Variants in SPTSSA observed in about 807,000 individuals in gnomAD.
SPTSSA encodes the protein serine palmitoyltransferase small subunit A.
Under a neutral mutation model 9.1 loss-of-function variants are expected in SPTSSA, and 8 were observed. That is an observed-to-expected ratio of 0.88 (90% CI 0.51 to 1.58). SPTSSA has a LOEUF of 1.58. SPTSSA is among the 40% of genes most tolerant of loss of function. The pLI is 0.00. For synonymous variants in SPTSSA, 42 were observed against 37.7 expected, an observed-to-expected ratio of 1.11 and a Z score of -0.41; for missense variants, 100 against 93.8, an observed-to-expected ratio of 1.07 and a Z score of -0.27.
intron 1 of SPTSSA, among the ~76,000 whole-genome samples, chr14:34,450,125 C>G (rs544250581): frequency 1.2e-4 from 18 of 152,296 alleles, no homozygotes; most frequent in African/African-American, 4.1e-4. Context: ...TGTGAGAATT[C>G]AGAATCGAAC....
intron 1 of SPTSSA, among the ~76,000 whole-genome samples, chr14:34,450,644 C>T (rs530816152): frequency 2.0e-4 from 30 of 152,014 alleles, no homozygotes; most frequent in Non-Finnish European, 3.5e-4. Flanking sequence ...AAAAAATGGG[C>T]TGTTCTGTTT....
In SPTSSA at chr14:34,433,693, G is replaced by C. The variant is rs1883193739; in HGVS notation, c.*1508C>G. 6.6e-6 allele frequency: 1 copy of C among 152,064 alleles called. No homozygotes were observed. Among genetic ancestry groups the C allele is most frequent in the African/African-American group, 2.4e-5 (1 of 41,398 alleles). The allele number at this position is 152,064 out of a possible 1,614,324, so 9.4% of individuals were successfully genotyped here. ...AATACCTCAATTTTGGCCGGGCGCGGTGGCTCACGCCTGTAAACCCAGCAC... is the reference window on the plus strand; with the variant it reads ...AATACCTCAATTTTGGCCGGGCGCGCTGGCTCACGCCTGTAAACCCAGCAC... On this transcript the variant is annotated 3_prime_UTR_variant, in exon 2 of 2. Coordinates refer to ENST00000298130, the MANE Select transcript of SPTSSA (RefSeq NM_138288.4).
intron 1 of SPTSSA, among the ~76,000 whole-genome samples, chr14:34,449,496 G>T (rs908213545): frequency 3.5e-5 from 5 of 143,224 alleles, no homozygotes; most frequent in African/African-American, 1.4e-4. Flanking sequence ...CACTGCACCC[G>T]GCCTCCCTTT....
In SPTSSA at chr14:34,443,134, GGTGTGT is replaced by G. The variant is rs376742613; in HGVS notation, c.113-7836_113-7831del. Among the ~76,000 whole-genome samples, 107 of 36,958 alleles carry G rather than the reference GGTGTGT, an allele frequency of 2.9e-3. 1 individual carries two copies. The highest frequency in any genetic ancestry group is 1.6e-3 in the African/African-American group (7 of 4,314). 24.2% of individuals were successfully genotyped at this position (36,958 alleles called of 152,430 possible). A position where few individuals can be genotyped will look rare whatever the true frequency, so the allele number is the denominator to read the frequency against. ...TTCAAGCGATTCTCCTGCTTCTAGG[GGTGTGT>G]GTGTGTGTGTGTGTGTGTGTGTGTG... On this transcript the variant is annotated intron_variant, in intron 1 of 1. Transcript: ENST00000298130.
chr14:34,457,208 C>G (rs1356101302), intron 1 of SPTSSA, among the ~76,000 whole-genome samples: 2 of 151,988 alleles, frequency 1.3e-5, no homozygotes, highest in Non-Finnish European at 2.9e-5. Flanking sequence ...GAACTCTTGA[C>G]CTCAGGTGAT....
intron 1 of SPTSSA, among the ~76,000 whole-genome samples, chr14:34,442,607 G>T (rs1425300873): frequency 6.6e-6 from 1 of 152,240 alleles, no homozygotes; most frequent in Non-Finnish European, 1.5e-5. Flanking sequence ...AATGAATGCT[G>T]TTTGGCCCCA....
At position 34,442,983 on chromosome 14, in the gene SPTSSA, T is replaced by TGAGA. The variant is rs1555314339; in HGVS notation, c.113-7683_113-7680dup. Among the ~76,000 whole-genome samples, 624 of 148,454 alleles carry TGAGA rather than the reference T, an allele frequency of 4.2e-3. 9 individuals are homozygous for TGAGA. Among genetic ancestry groups the TGAGA allele is most frequent in the African/African-American group, 0.013 (514 of 39,786 alleles). On this transcript the variant is annotated intron_variant, in intron 1 of 1. Coordinates refer to ENST00000298130, the MANE Select transcript of SPTSSA (RefSeq NM_138288.4). ...GTGTGTGTGTGTGTGTGTGTGTGTG[T>TGAGA]GAGATGGAGTTTCCCTCTAGGGGTG...
At chr14:34,435,705 C>T (rs1883232028) in intron 1 of SPTSSA, among the ~76,000 whole-genome samples, 2 of 145,578 alleles carry the variant, frequency 1.4e-5, no homozygotes. Context: ...TCTCGGCTCA[C>T]TGCAACCTCT....
chr14:34,444,755 A>G (rs1483229550), intron 1 of SPTSSA, among the ~76,000 whole-genome samples: 1 of 151,868 alleles, frequency 6.6e-6, no homozygotes, highest in Non-Finnish European at 1.5e-5. Flanking sequence ...CTGCCTCAAA[A>G]AAAAAAAAAA....
At chr14:34,455,029 G>A (rs1175175611) in intron 1 of SPTSSA, among the ~76,000 whole-genome samples, 2 of 151,404 alleles carry the variant, frequency 1.3e-5, no homozygotes, top group African/African-American at 4.9e-5. Flanking sequence ...GGAGGCTACA[G>A]TGACCCAAGA....
intron 1 of SPTSSA, among the ~76,000 whole-genome samples, chr14:34,442,983 T>TGTGTGTGTGTGTGTGTGA (rs750212266): frequency 3.5e-4 from 52 of 148,336 alleles, no homozygotes; most frequent in African/African-American, 1.1e-3. Context: ...TGTGTGTGTG[T>TGTGTGTGTGTGTGTGTGA]GAGATGGAGT....
intron 1 of SPTSSA, 22 bp from the exon 2 acceptor site, chr14:34,435,326 T>A: frequency 6.5e-7 from 1 of 1,539,142 alleles, no homozygotes; most frequent in African/African-American, 1.4e-5. Context: ...TTAAGGAAAC[T>A]TATTATTATT....
chr14:34,446,786 T>TTA (rs775431253), intron 1 of SPTSSA, among the ~76,000 whole-genome samples: 57 of 152,314 alleles, frequency 3.7e-4, no homozygotes, highest in South Asian at 2.1e-3. Flanking sequence ...ACACAACAGA[T>TTA]TTTAAATTCT....
chr14:34,457,606 C>A (rs1878510531), intron 1 of SPTSSA, among the ~76,000 whole-genome samples: 1 of 152,182 alleles, frequency 6.6e-6, no homozygotes, highest in Admixed American at 6.6e-5. Flanking sequence ...CATGTCTGCA[C>A]ATGGAAAAAG....
chr14:34,458,724 T>C (rs1878545082), intron 1 of SPTSSA, among the ~76,000 whole-genome samples: 1 of 143,506 alleles, frequency 7.0e-6, no homozygotes, highest in Non-Finnish European at 1.5e-5. Flanking sequence ...GCCAGACTGG[T>C]GAACCGCCAC....
chr14:34,455,549 A>G (rs1883604633), intron 1 of SPTSSA, among the ~76,000 whole-genome samples: 1 of 152,190 alleles, frequency 6.6e-6, no homozygotes. Context: ...GTTTTCAACC[A>G]TAAGGATGTA....
intron 1 of SPTSSA, among the ~76,000 whole-genome samples, chr14:34,451,607 C>G (rs1173863832): frequency 6.6e-6 from 1 of 151,582 alleles, no homozygotes; most frequent in Middle Eastern, 3.4e-3. Context: ...CCTGTAGTCC[C>G]AGCTACTCCG....
At position 34,435,235 on chromosome 14, in the gene SPTSSA, A is replaced by G. The variant is rs1443904442; in HGVS notation, c.182T>C (p.Met61Thr). 3.1e-6 allele frequency: 5 copies of G among 1,613,942 alleles called. No homozygotes were observed. The highest frequency in any genetic ancestry group is 1.7e-5 in the Admixed American group (1 of 60,006). ...GATTTCAAAGTAGTGCAATATCGCC[A>G]TGATGTGCTGGGGCATGAAGACGTA... ...TGYVFMPQHI[M>T]AILHYFEIVQ is the part of the protein sequence containing the mutation. Residue 61 changes from methionine (M) to threonine (T), a missense_variant, in exon 2 of 2, where the codon ATG becomes ACG. Met to Thr is a moderately conservative substitution (Grantham distance 81). Coordinates refer to ENST00000298130, the MANE Select transcript of SPTSSA (RefSeq NM_138288.4).
intron 1 of SPTSSA, among the ~76,000 whole-genome samples, chr14:34,456,948 A>AATTATTATTATTATTATTATT (rs201859323): frequency 8.3e-4 from 121 of 146,190 alleles, no homozygotes; most frequent in African/African-American, 2.8e-3. Context: ...TTCTGATTCA[A>AATTATTATTATTATTATTATT]ATTATTATTA....
Sources: allele counts gnomAD v4.1 joint callset (sites outside exome capture counted in the v4.1 genomes callset), GRCh38; gene constraint gnomAD v4.1.1; transcripts MANE v1.5; gene names NCBI Gene and HGNC (gene_info 2026-07-23, HGNC 2026-07-21).